DOCK2: variants seen among roughly 807,000 people sequenced by gnomAD.
DOCK2 encodes the protein dedicator of cytokinesis protein 2.
Under a neutral mutation model 248.9 loss-of-function variants are expected in DOCK2, and 87 were observed. The observed-to-expected ratio is 0.35, with a 90% CI of 0.29 to 0.42. The LOEUF is 0.42. DOCK2 is among the 10% of genes least tolerant of loss of function. The probability of loss-of-function intolerance (pLI) is 1.00; values close to 1 mark genes in which losing one functional copy is unlikely to be tolerated. For synonymous variants in DOCK2, 805 were observed against 821.6 expected, an observed-to-expected ratio of 0.98 and a Z score of 0.35; for missense variants, 1,747 against 2,300.2, an observed-to-expected ratio of 0.76 and a Z score of 4.92.
chr5:169,935,500 C>T (rs1775946465), intron 27 of DOCK2, among the ~76,000 whole-genome samples: 1 of 152,184 alleles, frequency 6.6e-6, no homozygotes. Context: ...AAACCACTGC[C>T]ACCTCTGGAC....
intron 19 of DOCK2, among the ~76,000 whole-genome samples, chr5:169,715,816 A>G (rs1195228181): frequency 1.3e-5 from 2 of 152,118 alleles, no homozygotes; most frequent in South Asian, 2.1e-4. Context: ...CACTGTCCTG[A>G]CAACCATCAT....
At chr5:169,679,411 C>T (rs1433637226) in intron 6 of DOCK2, among the ~76,000 whole-genome samples, 1 of 152,096 alleles carries the variant, frequency 6.6e-6, no homozygotes, top group Non-Finnish European at 1.5e-5. Flanking sequence ...CCTCTCCTGC[C>T]CCTGGGCCAT....
chr5:169,807,475 T>C (rs1477421045), intron 26 of DOCK2, among the ~76,000 whole-genome samples: 1 of 152,118 alleles, frequency 6.6e-6, no homozygotes, highest in Admixed American at 6.5e-5. Flanking sequence ...AATAGAGGAA[T>C]AGCTGGGCTC....
intron 23 of DOCK2, among the ~76,000 whole-genome samples, chr5:169,758,212 G>A (rs1441459810): frequency 1.3e-5 from 2 of 152,216 alleles, no homozygotes; most frequent in Non-Finnish European, 2.9e-5. Flanking sequence ...AAGGCAGGAT[G>A]CCACTGGTGT....
At chr5:169,964,696 G>T (rs1159782362) in intron 27 of DOCK2, among the ~76,000 whole-genome samples, 3 of 152,230 alleles carry the variant, frequency 2.0e-5, no homozygotes, top group South Asian at 2.1e-4. Context: ...GGCTGGAGCT[G>T]CCCTGTCTTC....
chr5:169,638,566 T>C (rs1756974586), intron 1 of DOCK2, among the ~76,000 whole-genome samples: 1 of 152,162 alleles, frequency 6.6e-6, no homozygotes, highest in Non-Finnish European at 1.5e-5. Context: ...GAGGATTGAA[T>C]GGGGTTATGC....
At chr5:169,816,505 T>C (rs1283211120) in intron 26 of DOCK2, among the ~76,000 whole-genome samples, 1 of 152,184 alleles carries the variant, frequency 6.6e-6, no homozygotes, top group Non-Finnish European at 1.5e-5. Flanking sequence ...TGGCCTGAAA[T>C]CCAAACTCAG....
rs1318364573 is a variant in DOCK2 at position 169,882,843 on chromosome 5, A to G, written c.2799+41991A>G. The G allele has an allele frequency of 1.9e-6, 3 of 1,550,948 alleles. No individual in the cohort carries two copies. In the East Asian group the frequency reaches 7.3e-5, roughly 38 times the overall value. ...TGTTTGCCGTCTGCTCCTGACACCCAGGGGCAGATTTCGATGCACTGTTAG... is the reference window on the plus strand; with the variant it reads ...TGTTTGCCGTCTGCTCCTGACACCCGGGGGCAGATTTCGATGCACTGTTAG... On this transcript the variant is annotated intron_variant, in intron 27 of 51. Transcript: ENST00000520908.
intron 27 of DOCK2, among the ~76,000 whole-genome samples, chr5:169,902,895 C>G (rs145547214): frequency 2.6e-5 from 4 of 151,992 alleles, no homozygotes; most frequent in South Asian, 4.2e-4. Context: ...GTCAAGAGAT[C>G]GAGACCATCT....
rs1757889297 is a variant in DOCK2 at position 170,077,834 on chromosome 5, A to C, written c.4991A>C (p.Glu1664Ala). ...DCSTPSKPTS[E>A]SFDLELASPK... ...AGCACCCCCAGCAAGCCTACCTCAG[A>C]GAGGTCAGTCCCTGCACCCCAAGGA... The change falls in exon 48 of 52, where the codon GAG (glutamate) becomes GCG (alanine). Residue 1664 changes from glutamate (E) to alanine (A), a missense_variant. Around this residue, in one of 4 missense-constraint regions of DOCK2, gnomAD observed 513 missense variants for 586.1 expected, o/e 0.88. Coordinates refer to ENST00000520908, the MANE Select transcript of DOCK2 (RefSeq NM_004946.3). The C allele has an allele frequency of 1.2e-6, 2 of 1,612,710 alleles. No individual in the cohort carries two copies. The highest frequency in any genetic ancestry group is 1.7e-6 in the Non-Finnish European group (2 of 1,179,840).
rs905596945 is a variant in DOCK2 at position 170,024,232 on chromosome 5, T to C, written c.3382-3631T>C. ...AGGAGTCAATGATGTGATGCAGTCA[T>C]GTAGCTGTGGATGAAAATGGAAGTA... On this transcript the variant is annotated intron_variant, in intron 33 of 51. Transcript: ENST00000520908. 2.0e-5 allele frequency among the ~76,000 whole-genome samples: 3 copies of C among 152,180 alleles called. No individual in the cohort carries two copies. In the South Asian group the frequency reaches 6.2e-4, roughly 31 times the overall value.
chr5:169,702,490 C>T lies in DOCK2; in HGVS notation c.1383+63C>T, dbSNP rs950170116. On this transcript the variant is annotated intron_variant, in intron 14 of 51. Transcript: ENST00000520908. ...CCTTGGGGGCCTCTGCTTGTAAAGA[C>T]GTACTTTTCCTCTCCCTGATTCTGT... The T allele has an allele frequency of 3.2e-5, 51 of 1,596,868 alleles. No individual in the cohort carries two copies. In the African/African-American group the frequency reaches 3.4e-4, roughly 11 times the overall value.
intron 27 of DOCK2, among the ~76,000 whole-genome samples, chr5:169,914,271 C>T (rs897608409): frequency 2.6e-5 from 4 of 152,186 alleles, no homozygotes; most frequent in South Asian, 2.1e-4. Flanking sequence ...AAACTCAATT[C>T]ACCTTACCCC....
chr5:169,676,864 C>T (rs1468167960), intron 6 of DOCK2, among the ~76,000 whole-genome samples: 2 of 152,180 alleles, frequency 1.3e-5, no homozygotes, highest in African/African-American at 4.8e-5. Context: ...CAGACACATA[C>T]ACAATACAGT....
intron 7 of DOCK2, among the ~76,000 whole-genome samples, chr5:169,683,041 A>T (rs1365614484): frequency 2.0e-5 from 3 of 152,192 alleles, no homozygotes; most frequent in African/African-American, 7.2e-5. Context: ...ATTATTGGGC[A>T]TTTGGGTAAG....
chr5:169,676,176 G>A (rs909619901), intron 6 of DOCK2, among the ~76,000 whole-genome samples: 2 of 152,252 alleles, frequency 1.3e-5, no homozygotes, highest in South Asian at 2.1e-4. Context: ...TCCACTACCC[G>A]CCTTGGCCCG....
At chr5:169,856,248 C>A (rs574368337) in intron 27 of DOCK2, among the ~76,000 whole-genome samples, 1 of 152,296 alleles carries the variant, frequency 6.6e-6, no homozygotes, top group Admixed American at 6.5e-5. Flanking sequence ...ATGTGACATT[C>A]AGGTGGGGTG....
intron 27 of DOCK2, among the ~76,000 whole-genome samples, chr5:169,862,037 CAT>C (rs1771235385): frequency 6.6e-6 from 1 of 151,754 alleles, no homozygotes. Flanking sequence ...CAACTGGAAA[CAT>C]ATCTATGACC....
rs10684419 is a variant in DOCK2, at chr5:169,840,585, CGATGATGATGAT to C, written c.2704-143_2704-132del. On this transcript the variant is annotated intron_variant, in intron 26 of 51. Transcript: ENST00000520908. ...GGTGGTAATGACGATGGAGATATGG[CGATGATGATGAT>C]GATGATGATGATGATGATGATGATG... Among the ~76,000 whole-genome samples, 489 of 148,198 alleles carry C rather than the reference CGATGATGATGAT, an allele frequency of 3.3e-3. 1 individual carries two copies. The highest frequency in any genetic ancestry group is 5.2e-3 in the Non-Finnish European group (351 of 67,178).
Sources: allele counts gnomAD v4.1 joint callset (sites outside exome capture counted in the v4.1 genomes callset), GRCh38; gene constraint gnomAD v4.1.1; regional missense constraint gnomAD v4.1.1; transcripts MANE v1.5; gene names NCBI Gene and HGNC (gene_info 2026-07-23, HGNC 2026-07-21).